Variants in CYP3A5 observed in about 807,000 individuals in gnomAD.
The protein encoded by CYP3A5 is cytochrome P450 family 3 subfamily A member 5, also known as cytochrome P450 3A5.
In CYP3A5, 51 loss-of-function variants were observed where a neutral mutation model predicts 55.9. The observed-to-expected ratio is 0.91, with a 90% CI of 0.73 to 1.15. CYP3A5 has a LOEUF of 1.15. CYP3A5 is among the 50% of genes most tolerant of loss of function. The pLI is 0.00. For synonymous variants in CYP3A5, 196 were observed against 213.9 expected, an observed-to-expected ratio of 0.92 and a Z score of 0.73; for missense variants, 533 against 596.6, an observed-to-expected ratio of 0.89 and a Z score of 1.11.
Position 99,665,209 on chromosome 7 carries a change from C to T in CYP3A5, c.627G>A (p.Lys209=). 6.2e-7 allele frequency: 1 copy of T among 1,613,916 alleles called. No homozygotes were observed. Among genetic ancestry groups the T allele is most frequent in the South Asian group, 1.1e-5 (1 of 91,016 alleles). Residue 209 remains lysine, a synonymous_variant, in exon 7 of 13, where the codon AAG becomes AAA. Coordinates refer to ENST00000222982, the MANE Select transcript of CYP3A5 (RefSeq NM_000777.5). ...GATCTAAGAAACCAAATTTTAGGAA[C>T]TTCTTAGTGCTCTCCACAAAGGGGT... The part of the protein sequence containing the change: ...PQDPFVESTK[K]FLKFGFLDPL...
chr7:99,668,671 A>G (rs1474681375), intron 4 of CYP3A5, among the ~76,000 whole-genome samples: 2 of 152,236 alleles, frequency 1.3e-5, no homozygotes, highest in Non-Finnish European at 2.9e-5. Flanking sequence ...ATTAACTAAC[A>G]AAGAGCGAGA....
intron 9 of CYP3A5, among the ~76,000 whole-genome samples, chr7:99,661,959 C>G (rs1011804836): frequency 6.6e-6 from 1 of 152,116 alleles, no homozygotes; most frequent in Admixed American, 6.5e-5. Context: ...TACTCAATAG[C>G]CATATGTGTC....
At chr7:99,654,550 AT>A (rs1350707250) in intron 10 of CYP3A5, among the ~76,000 whole-genome samples, 3 of 152,234 alleles carry the variant, frequency 2.0e-5, no homozygotes, top group Admixed American at 6.5e-5. Context: ...ATAAGTGTGC[AT>A]GTGTGTTTAT....
chr7:99,650,024 C>T (rs746112034), intron 12 of CYP3A5, 49 bp downstream of exon 12: 3 of 1,600,072 alleles, frequency 1.9e-6, no homozygotes, highest in Non-Finnish European at 2.6e-6. Flanking sequence ...AAAATATATA[C>T]CCTTCAGTTA....
Position 99,674,522 on chromosome 7 carries a change from A to G in CYP3A5, c.218+11T>C. 1 of 1,612,728 alleles carries G rather than the reference A, an allele frequency of 6.2e-7. No individual in the cohort carries two copies. The highest frequency in any genetic ancestry group is 2.2e-5 in the East Asian group (1 of 44,848). ...GCAGGTCTATCCAATGGAGGTTTTC[A>G]GAATACTCACCCCCACATTTTTCCA... On this transcript the variant is annotated intron_variant, in intron 3 of 12. Coordinates refer to ENST00000222982, the MANE Select transcript of CYP3A5 (RefSeq NM_000777.5).
intron 3 of CYP3A5, 115 bp from the exon 4 acceptor site, chr7:99,672,794 AC>A: frequency 6.5e-7 from 1 of 1,547,546 alleles, no homozygotes; most frequent in Non-Finnish European, 8.7e-7. Flanking sequence ...CCCTAGTTGT[AC>A]GACACACAGC....
At position 99,679,667 on chromosome 7, in the gene CYP3A5, C is replaced by T. The variant is rs181812324; in HGVS notation, c.71+159G>A. On this transcript the variant is annotated intron_variant, in intron 1 of 12. Coordinates refer to ENST00000222982, the MANE Select transcript of CYP3A5 (RefSeq NM_000777.5). The stretch of plus-strand genomic sequence containing the variant: ...GCTTATTTATTCATTCATAGATCTG[C>T]ATAAGATAATAATAACTTCTATGCG... Among the ~76,000 whole-genome samples, 3 of 152,308 alleles carry T rather than the reference C, an allele frequency of 2.0e-5. No homozygotes were observed. In the East Asian group the frequency reaches 5.8e-4, roughly 29 times the overall value.
chr7:99,676,459 T>C, intron 1 of CYP3A5: 1 of 1,438,192 alleles, frequency 7.0e-7, no homozygotes, highest in Non-Finnish European at 9.3e-7. Context: ...CTGGAGTGAA[T>C]ACTTGATAAA....
chr7:99,652,199 A>G (rs905442424), intron 11 of CYP3A5: 8 of 149,306 alleles, frequency 5.4e-5, no homozygotes, highest in Admixed American at 4.7e-4. Flanking sequence ...ATATATATGT[A>G]TATTTATAGT....
At chr7:99,664,936 G>A (rs1191608744) in intron 7 of CYP3A5, among the ~76,000 whole-genome samples, 1 of 152,176 alleles carries the variant, frequency 6.6e-6, no homozygotes, top group Non-Finnish European at 1.5e-5. Context: ...TTGATTATTG[G>A]ATGCTTAGGG....
Position 99,662,954 on chromosome 7 carries a change from C to G in CYP3A5, c.799-72G>C. 1 of 1,593,390 alleles carries G rather than the reference C, an allele frequency of 6.3e-7. No individual in the cohort carries two copies. The highest frequency in any genetic ancestry group is 8.6e-7 in the Non-Finnish European group (1 of 1,168,256). ...GTCAGAAGTAAATCAAAAGTGCAGT[C>G]CTCAACCTCCCTTCTTGACTTCCCT... On this transcript the variant is annotated intron_variant, in intron 8 of 12. Transcript: ENST00000222982. The surrounding 1 kb of genome is among the most constrained non-coding windows in gnomAD (Gnocchi z 4.3).
intron 6 of CYP3A5, among the ~76,000 whole-genome samples, 179 bp downstream of exon 6, chr7:99,666,422 C>G (rs1232065868): frequency 2.0e-5 from 3 of 152,152 alleles, no homozygotes; most frequent in African/African-American, 7.2e-5. Flanking sequence ...GGCCCTTTTC[C>G]CTTGCTGACT....
intron 3 of CYP3A5, 184 bp from the exon 4 acceptor site, chr7:99,672,863 C>T (rs1384073334): frequency 1.4e-6 from 2 of 1,405,208 alleles, no homozygotes; most frequent in African/African-American, 2.9e-5. Flanking sequence ...ACACAGGAGC[C>T]ACCCAAGGCT....
chr7:99,676,725 C>A, intron 1 of CYP3A5: 1 of 463,044 alleles, frequency 2.2e-6, no homozygotes, highest in Middle Eastern at 3.5e-4. Flanking sequence ...TTTTTCTTCC[C>A]TCTAAGCTCT....
intron 3 of CYP3A5, among the ~76,000 whole-genome samples, chr7:99,673,102 G>A (rs111268065): frequency 1.2e-4 from 19 of 152,194 alleles, no homozygotes; most frequent in African/African-American, 3.9e-4. Flanking sequence ...AAATCATCAA[G>A]TGCTCACAAG....
rs41258414 is a variant in CYP3A5 at position 99,666,825 on chromosome 7, A to C, written c.432+127T>G. On this transcript the variant is annotated intron_variant, in intron 5 of 12. Transcript: ENST00000222982. Reference sequence around the variant, plus strand: ...TGATGTCTTTTCTGTACATAAAGATAAAAGACCATTTTTAGGAAGCTCGAA... The same window carrying C: ...TGATGTCTTTTCTGTACATAAAGATCAAAGACCATTTTTAGGAAGCTCGAA... 1,790 of 1,579,390 alleles carry C rather than the reference A, an allele frequency of 1.1e-3. 1 individual carries two copies. The highest frequency in any genetic ancestry group is 1.3e-3 in the Non-Finnish European group (1,502 of 1,161,810).
rs1410468349 is a variant in CYP3A5, at chr7:99,660,581, G to C, written c.944C>G (p.Ser315Cys). ...AGYETTSSVL[S>C]FTLYELATHP... is the part of the protein sequence containing the mutation. ...AGTGGCCAGTTCATATAAAGTGAAG[G>C]AAAGAACACTGCTGGTGGTTTCATA... is the stretch of plus-strand genomic sequence containing the variant. Residue 315 changes from serine to cysteine, a missense_variant, in exon 10 of 13, where the codon TCC becomes TGC. Physicochemically the swap from Ser to Cys is moderately radical, Grantham distance 112. Coordinates refer to ENST00000222982, the MANE Select transcript of CYP3A5 (RefSeq NM_000777.5). The C allele has an allele frequency of 4.3e-6, 7 of 1,613,786 alleles. No homozygotes were observed. In the Admixed American group the frequency reaches 5.0e-5, roughly 12 times the overall value.
At chr7:99,652,377 T>G in intron 11 of CYP3A5, 176 bp downstream of exon 11, 6 of 498,326 alleles carry the variant, frequency 1.2e-5, no homozygotes, top group Non-Finnish European at 1.8e-5. Flanking sequence ...ATGGATGTAG[T>G]TTCGTTTTTT....
At chr7:99,649,967 G>T in intron 12 of CYP3A5, 106 bp downstream of exon 12, 2 of 1,390,244 alleles carry the variant, frequency 1.4e-6, no homozygotes, top group Non-Finnish European at 2.0e-6. Flanking sequence ...TAGGTTCTTT[G>T]GCCCATAGAA....
Sources: gnomAD v4.1 joint callset for allele counts (sites outside exome capture counted in the v4.1 genomes callset) on GRCh38, gnomAD v4.1.1 for gene constraint, Gnocchi (gnomAD v3.1) non-coding constraint, MANE v1.5 for transcripts, NCBI Gene and HGNC (gene_info 2026-07-23, HGNC 2026-07-21) for gene names.